CACNG4: variants seen among roughly 807,000 people sequenced by gnomAD.
The protein encoded by CACNG4 is voltage-dependent calcium channel gamma-4 subunit.
A neutral mutation model predicts 22.9 loss-of-function variants in CACNG4; 8 were observed. That is an observed-to-expected ratio of 0.35 (90% confidence interval 0.21 to 0.63). CACNG4 has a LOEUF of 0.63. Among genes scored for constraint, CACNG4 ranks in the 30% least tolerant of loss-of-function variants. The pLI is 0.72. For missense variants in CACNG4, 357 were observed against 455.4 expected (o/e 0.78, Z 1.97); for synonymous variants, 188 against 191.9 (o/e 0.98, Z 0.17).
At chr17:67,002,039 T>C (rs1380801562) in intron 1 of CACNG4, among the ~76,000 whole-genome samples, 3 of 150,310 alleles carry the variant, frequency 2.0e-5, no homozygotes, top group African/African-American at 4.8e-5. Context: ...AGACCACAGG[T>C]ATGGGAGTGT....
chr17:66,968,086 C>T (rs2035181332), intron 1 of CACNG4, among the ~76,000 whole-genome samples: 1 of 152,200 alleles, frequency 6.6e-6, no homozygotes, highest in Non-Finnish European at 1.5e-5. Flanking sequence ...ACGCTGTCTT[C>T]ACCCCCATCT....
Position 67,032,200 on chromosome 17 carries a change from T to C in CACNG4, c.*1196T>C. 2.8e-6 allele frequency: 1 copy of C among 359,244 alleles called. No homozygotes were observed. The highest frequency in any genetic ancestry group is 2.1e-5 in the South Asian group (1 of 47,264). The allele number at this position is 359,244 out of a possible 1,614,324, so 22.3% of individuals were successfully genotyped here. A position where few individuals can be genotyped will look rare whatever the true frequency, so the allele number is the denominator to read the frequency against. On this transcript the variant is annotated 3_prime_UTR_variant, in exon 4 of 4. Transcript: ENST00000262138. The stretch of plus-strand genomic sequence containing the variant: ...ACCGAGCTGGGCTTCTCTTCCTCCC[T>C]ACAGAGGGGAGATCTCAGCACTTTG...
At chr17:67,012,262 C>T (rs954850607) in intron 1 of CACNG4, among the ~76,000 whole-genome samples, 2 of 152,184 alleles carry the variant, frequency 1.3e-5, no homozygotes, top group East Asian at 3.9e-4. Context: ...AATGCCTGAT[C>T]GTTCTGCTGT....
rs1409179857 is a variant in CACNG4, at chr17:67,030,529, A to C, written c.509A>C (p.Lys170Thr). Residue 170 changes from lysine (K) to threonine (T), a missense_variant, in exon 4 of 4, where the codon AAG becomes ACG. Physicochemically the swap from Lys to Thr is moderately conservative, Grantham distance 78 (BLOSUM62 -1). Coordinates refer to ENST00000262138, the MANE Select transcript of CACNG4 (RefSeq NM_014405.4). The surrounding 1 kb of genome is among the most constrained non-coding windows in gnomAD (Gnocchi z 6.4). ...ISSNTGDPSD[K>T]RDEDKKNHYN... Reference sequence around the variant, plus strand: ...AGCAACACAGGTGACCCGAGTGACAAGCGGGACGAAGACAAAAAGAACCAT... The same window carrying C: ...AGCAACACAGGTGACCCGAGTGACACGCGGGACGAAGACAAAAAGAACCAT... 2.5e-6 allele frequency: 4 copies of C among 1,614,152 alleles called. No individual in the cohort carries two copies. The highest frequency in any genetic ancestry group is 2.5e-6 in the Non-Finnish European group (3 of 1,180,012).
chr17:66,996,297 C>T (rs960586620), intron 1 of CACNG4, among the ~76,000 whole-genome samples: 5 of 151,652 alleles, frequency 3.3e-5, no homozygotes, highest in African/African-American at 1.2e-4. Flanking sequence ...GCCAGGGAGC[C>T]AGGAGAGAGC....
At chr17:66,983,165 G>A (rs1364338051) in intron 1 of CACNG4, among the ~76,000 whole-genome samples, 1 of 152,160 alleles carries the variant, frequency 6.6e-6, no homozygotes, top group Admixed American at 6.5e-5. Flanking sequence ...CAGGCACTTT[G>A]CAGAGTTCAC....
At chr17:66,981,579 G>A (rs1056661933) in intron 1 of CACNG4, among the ~76,000 whole-genome samples, 1 of 152,156 alleles carries the variant, frequency 6.6e-6, no homozygotes, top group African/African-American at 2.4e-5. Context: ...TGCTGGGGCC[G>A]AGAGAACCAC....
Position 67,027,027 on chromosome 17 carries a change from G to A in CACNG4, c.445+2027G>A, listed in dbSNP as rs760909512. 1.4e-4 allele frequency among the ~76,000 whole-genome samples: 22 copies of A among 152,232 alleles called. No individual in the cohort carries two copies. The highest frequency in any genetic ancestry group is 4.8e-4 in the African/African-American group (20 of 41,536). ...CACTGCCCCAGAGCGTCCTCCCCAC[G>A]GCAGGGAGAGAATACTCCAGTCACA... On this transcript the variant is annotated intron_variant, in intron 3 of 3. Coordinates refer to ENST00000262138, the MANE Select transcript of CACNG4 (RefSeq NM_014405.4). The surrounding 1 kb of genome is among the most constrained non-coding windows in gnomAD (Gnocchi z 4.3).
At chr17:66,965,182 A>ACACACC in intron 1 of CACNG4, 51 bp downstream of exon 1, 2 of 1,057,168 alleles carry the variant, frequency 1.9e-6, no homozygotes, top group Non-Finnish European at 2.7e-6. Context: ...ACACACACAC[A>ACACACC]CACATATACA....
intron 1 of CACNG4, among the ~76,000 whole-genome samples, chr17:67,004,563 G>A (rs2035426560): frequency 6.6e-6 from 1 of 152,150 alleles, no homozygotes; most frequent in Non-Finnish European, 1.5e-5. Context: ...GTCTTAGAAA[G>A]TGTTGCAGAC....
intron 2 of CACNG4, among the ~76,000 whole-genome samples, chr17:67,021,267 A>C (rs2035530221): frequency 1.7e-5 from 2 of 117,918 alleles, no homozygotes; most frequent in African/African-American, 6.6e-5. Flanking sequence ...TGTGGAGTAC[A>C]GCAGCAAAGA....
At chr17:66,977,737 A>AG (rs1299264931) in intron 1 of CACNG4, among the ~76,000 whole-genome samples, 1 of 152,202 alleles carries the variant, frequency 6.6e-6, no homozygotes, top group Admixed American at 6.5e-5. Flanking sequence ...CTGCAGGGCC[A>AG]GGGGCTGCCT....
intron 1 of CACNG4, among the ~76,000 whole-genome samples, chr17:66,971,186 C>T (rs995622882): frequency 2.0e-5 from 3 of 151,822 alleles, no homozygotes; most frequent in Non-Finnish European, 4.4e-5. Flanking sequence ...ATAGCTTCCA[C>T]GCTGACGGTG....
At chr17:67,006,854 A>G (rs943056909) in intron 1 of CACNG4, among the ~76,000 whole-genome samples, 5 of 152,216 alleles carry the variant, frequency 3.3e-5, no homozygotes, top group Admixed American at 2.0e-4. Flanking sequence ...CGTGACCACA[A>G]GGCACCTCAA....
At chr17:66,997,414 A>G (rs1283705953) in intron 1 of CACNG4, among the ~76,000 whole-genome samples, 1 of 152,122 alleles carries the variant, frequency 6.6e-6, no homozygotes, top group Non-Finnish European at 1.5e-5. Context: ...GGGCAGGATG[A>G]CACCTTAGTT....
At chr17:66,998,426 A>T (rs2035388058) in intron 1 of CACNG4, among the ~76,000 whole-genome samples, 1 of 151,918 alleles carries the variant, frequency 6.6e-6, no homozygotes, top group South Asian at 2.1e-4. Flanking sequence ...TCTCACTCAA[A>T]CTCCTGAACT....
Position 67,014,208 on chromosome 17 carries a change from T to G in CACNG4, c.221-3981T>G, listed in dbSNP as rs185351102. Reference sequence around the variant, plus strand: ...GCCACCCTAAATATCACTTAATAGATAGCACAGCAAATGGCCCATGTATGG... The same window carrying G: ...GCCACCCTAAATATCACTTAATAGAGAGCACAGCAAATGGCCCATGTATGG... On this transcript the variant is annotated intron_variant, in intron 1 of 3. Coordinates refer to ENST00000262138, the MANE Select transcript of CACNG4 (RefSeq NM_014405.4). 9.5e-4 allele frequency among the ~76,000 whole-genome samples: 144 copies of G among 152,310 alleles called. No individual in the cohort carries two copies. In the Middle Eastern group the frequency reaches 0.014, roughly 14 times the overall value.
chr17:66,971,170 C>T (rs982389348), intron 1 of CACNG4, among the ~76,000 whole-genome samples: 1 of 152,036 alleles, frequency 6.6e-6, no homozygotes, highest in Non-Finnish European at 1.5e-5. Flanking sequence ...CGGAAAGCCT[C>T]TGCCCATAGC....
rs2035576315 is a variant in CACNG4 at position 67,027,685 on chromosome 17, A to G, written c.445+2685A>G. The stretch of plus-strand genomic sequence containing the variant: ...AACTCGTGCTGAATACAGAGAGGGG[A>G]AGAAAACACAAAGCTAGGGAAGCAG... On this transcript the variant is annotated intron_variant, in intron 3 of 3. Transcript: ENST00000262138. The surrounding 1 kb of genome is among the most constrained non-coding windows in gnomAD (Gnocchi z 4.3). Among the ~76,000 whole-genome samples the G allele has an allele frequency of 6.6e-6, 1 of 152,170 alleles. No homozygotes were observed. The highest frequency in any genetic ancestry group is 1.5e-5 in the Non-Finnish European group (1 of 68,026).
Sources: gnomAD v4.1 joint callset for allele counts (sites outside exome capture counted in the v4.1 genomes callset) on GRCh38, gnomAD v4.1.1 for gene constraint, Gnocchi (gnomAD v3.1) non-coding constraint, MANE v1.5 for transcripts, NCBI Gene and HGNC (gene_info 2026-07-23, HGNC 2026-07-21) for gene names.